Variants in CADM1 observed in about 807,000 individuals in gnomAD.
CADM1 encodes the protein TSLC-1.
Under a neutral mutation model 53.1 loss-of-function variants are expected in CADM1, and 15 were observed. That is an observed-to-expected ratio of 0.28 (90% CI 0.19 to 0.44). CADM1 has a LOEUF of 0.44. Among genes scored for constraint, CADM1 ranks in the 20% least tolerant of loss-of-function variants. The pLI, the probability that CADM1 is intolerant of heterozygous loss-of-function variation, is 1.00. For missense variants in CADM1, 434 were observed against 611.3 expected (o/e 0.71, Z 3.06); for synonymous variants, 281 against 243.0 (o/e 1.16, Z -1.45).
At chr11:115,240,599 C>T (rs1294599661) in intron 1 of CADM1, among the ~76,000 whole-genome samples, 179 bp from the exon 2 acceptor site, 1 of 152,128 alleles carries the variant, frequency 6.6e-6, no homozygotes, top group Non-Finnish European at 1.5e-5. Flanking sequence ...GAAGACAGAT[C>T]AAGGGACAAA....
At chr11:115,354,972 G>A (rs750894032) in intron 1 of CADM1, among the ~76,000 whole-genome samples, 9 of 152,068 alleles carry the variant, frequency 5.9e-5, no homozygotes, top group Non-Finnish European at 8.8e-5. Flanking sequence ...AAGAAATCCT[G>A]CCTGTAATCA....
intron 1 of CADM1, among the ~76,000 whole-genome samples, chr11:115,502,910 C>A (rs1187474473): frequency 6.6e-6 from 1 of 152,224 alleles, no homozygotes; most frequent in African/African-American, 2.4e-5. Flanking sequence ...CCCGCCCGGG[C>A]CTGGGGCTCC....
intron 1 of CADM1, among the ~76,000 whole-genome samples, chr11:115,465,218 C>T (rs1307323542): frequency 6.6e-6 from 1 of 152,076 alleles, no homozygotes; most frequent in African/African-American, 2.4e-5. Context: ...TACATCCGGG[C>T]TTGAAGAAAA....
intron 1 of CADM1, among the ~76,000 whole-genome samples, chr11:115,379,572 T>A (rs2135149076): frequency 6.6e-6 from 1 of 152,296 alleles, no homozygotes; most frequent in South Asian, 2.1e-4. Flanking sequence ...TGCACTAGAT[T>A]TTTTGACTCC....
In CADM1 at chr11:115,173,843, A is replaced by T. The variant is rs1481964828; in HGVS notation, c.*2631T>A. On this transcript the variant is annotated 3_prime_UTR_variant, in exon 12 of 12. Coordinates refer to ENST00000331581, the MANE Select transcript of CADM1 (RefSeq NM_001301043.2). The stretch of plus-strand genomic sequence containing the variant: ...AAATAAGACGTCGGTGTGACTAAAG[A>T]ACAAGCTTATTTGGCATCAATTATA... 1.0e-6 allele frequency: 1 copy of T among 980,766 alleles called. No homozygotes were observed. Among genetic ancestry groups the T allele is most frequent in the Non-Finnish European group, 1.2e-6 (1 of 825,806 alleles). The allele number at this position is 980,766 out of a possible 1,614,324, so 60.8% of individuals were successfully genotyped here.
At chr11:115,179,633 T>C (rs532164298) in intron 10 of CADM1, among the ~76,000 whole-genome samples, 6 of 152,220 alleles carry the variant, frequency 3.9e-5, no homozygotes, top group Non-Finnish European at 7.3e-5. Flanking sequence ...GAAATCCTAA[T>C]GGCATTTGAG....
chr11:115,215,496 C>T (rs747323805), intron 6 of CADM1, among the ~76,000 whole-genome samples: 1 of 152,138 alleles, frequency 6.6e-6, no homozygotes, highest in Non-Finnish European at 1.5e-5. Context: ...CCTGTGTGTG[C>T]ACCTGCAGCT....
intron 1 of CADM1, among the ~76,000 whole-genome samples, chr11:115,367,930 C>T (rs567414759): frequency 2.0e-5 from 3 of 152,010 alleles, no homozygotes; most frequent in African/African-American, 7.2e-5. Context: ...ACTTTTAAGA[C>T]TGAGATTGAA....
intron 1 of CADM1, among the ~76,000 whole-genome samples, chr11:115,248,316 A>G (rs1467393562): frequency 1.3e-5 from 2 of 152,246 alleles, no homozygotes; most frequent in Non-Finnish European, 2.9e-5. Context: ...TTCAACCATC[A>G]CATTAGCTGC....
At chr11:115,477,717 T>C (rs372798797) in intron 1 of CADM1, among the ~76,000 whole-genome samples, 3 of 152,244 alleles carry the variant, frequency 2.0e-5, no homozygotes, top group Admixed American at 6.5e-5. Context: ...CCTATTTGCA[T>C]TGATGACTCC....
At chr11:115,301,812 A>G (rs945926372) in intron 1 of CADM1, among the ~76,000 whole-genome samples, 1 of 152,122 alleles carries the variant, frequency 6.6e-6, no homozygotes, top group Non-Finnish European at 1.5e-5. Flanking sequence ...TACACACCCC[A>G]TAACATTATA....
chr11:115,371,635 T>C (rs1013645316), intron 1 of CADM1, among the ~76,000 whole-genome samples: 5 of 143,436 alleles, frequency 3.5e-5, no homozygotes. Flanking sequence ...CTTGTCAGAC[T>C]GGATTTTTTT....
intron 1 of CADM1, among the ~76,000 whole-genome samples, chr11:115,433,782 A>G (rs1443647611): frequency 2.0e-5 from 3 of 152,202 alleles, no homozygotes; most frequent in African/African-American, 7.2e-5. Flanking sequence ...AAAGAGCATT[A>G]CACTGTGCAA....
At chr11:115,332,987 C>A (rs1029084571) in intron 1 of CADM1, among the ~76,000 whole-genome samples, 4 of 152,040 alleles carry the variant, frequency 2.6e-5, no homozygotes, top group African/African-American at 9.7e-5. Context: ...CTCTATACAC[C>A]CTGTGCGAGG....
At chr11:115,501,511 G>T (rs1347307677) in intron 1 of CADM1, among the ~76,000 whole-genome samples, 1 of 152,180 alleles carries the variant, frequency 6.6e-6, no homozygotes, top group African/African-American at 2.4e-5. Flanking sequence ...CATGCACCTT[G>T]AACGTATAAC....
intron 1 of CADM1, among the ~76,000 whole-genome samples, chr11:115,357,879 A>G (rs905243164): frequency 1.3e-5 from 2 of 152,220 alleles, no homozygotes; most frequent in Non-Finnish European, 2.9e-5. Context: ...GAACACAGAT[A>G]AAACAGAAAA....
At chr11:115,493,399 T>C (rs1949543143) in intron 1 of CADM1, among the ~76,000 whole-genome samples, 1 of 151,978 alleles carries the variant, frequency 6.6e-6, no homozygotes, top group South Asian at 2.1e-4. Context: ...ACCACGGACA[T>C]AATATTTGAT....
intron 1 of CADM1, among the ~76,000 whole-genome samples, chr11:115,391,532 A>G (rs971014002): frequency 6.6e-5 from 10 of 152,234 alleles, no homozygotes; most frequent in African/African-American, 2.4e-4. Context: ...ATAAAAGGAG[A>G]AGGAGGAAAA....
chr11:115,427,922 C>T (rs1021707426), intron 1 of CADM1, among the ~76,000 whole-genome samples: 4 of 145,806 alleles, frequency 2.7e-5, no homozygotes, highest in Non-Finnish European at 4.5e-5. Flanking sequence ...TAAGAGAATC[C>T]TTAAGCCCAT....
Sources: gnomAD v4.1 joint callset for allele counts (sites outside exome capture counted in the v4.1 genomes callset) on GRCh38, gnomAD v4.1.1 for gene constraint, MANE v1.5 for transcripts, NCBI Gene and HGNC (gene_info 2026-07-23, HGNC 2026-07-21) for gene names.